Variants in ZCCHC4 observed in about 807,000 individuals in gnomAD.
ZCCHC4 encodes the protein rRNA N(6)-adenosine-methyltransferase ZCCHC4.
ZCCHC4 carries 54 observed loss-of-function variants against 67.7 expected under a neutral mutation model. That is an observed-to-expected ratio of 0.80 (90% confidence interval 0.64 to 1.00). The LOEUF (loss-of-function observed/expected upper bound fraction) is 1.00, where lower values mean the gene tolerates loss of function less well. Ranked by LOEUF, ZCCHC4 falls within the 50% of genes least tolerant of loss-of-function variation. The pLI is 0.00. For missense variants in ZCCHC4, 609 were observed against 617.0 expected (o/e 0.99, Z 0.14); for synonymous variants, 198 against 213.5 (o/e 0.93, Z 0.63).
intron 5 of ZCCHC4, 92 bp downstream of exon 5, chr4:25,334,080 C>G: frequency 1.4e-6 from 1 of 735,494 alleles, no homozygotes; most frequent in Non-Finnish European, 2.0e-6. Flanking sequence ...TGTTACAACT[C>G]TTTAGTTTAC....
In ZCCHC4 at chr4:25,351,573, T is replaced by C. The variant is rs1267892206; in HGVS notation, c.911-16T>C. 3.2e-6 allele frequency: 5 copies of C among 1,551,254 alleles called. No homozygotes were observed. Among genetic ancestry groups the C allele is most frequent in the South Asian group, 1.2e-5 (1 of 83,480 alleles). On this transcript the variant is annotated splice_polypyrimidine_tract_variant and intron_variant, in intron 7 of 12. Transcript: ENST00000302874. ...CTTTAATTTACTATTATTTTTTCCTTTTTGTGATCCATTAGATGACAGTCA... is the reference window on the plus strand; with the variant it reads ...CTTTAATTTACTATTATTTTTTCCTCTTTGTGATCCATTAGATGACAGTCA...
intron 6 of ZCCHC4, among the ~76,000 whole-genome samples, chr4:25,349,120 G>C (rs1173046235): frequency 6.6e-6 from 1 of 152,190 alleles, no homozygotes; most frequent in Non-Finnish European, 1.5e-5. Flanking sequence ...TGTGTGCCCA[G>C]TGCTTAGCAC....
At chr4:25,325,663 A>T (rs953474181) in intron 3 of ZCCHC4, among the ~76,000 whole-genome samples, 1 of 152,164 alleles carries the variant, frequency 6.6e-6, no homozygotes, top group Non-Finnish European at 1.5e-5. Context: ...TGAAGAAAAA[A>T]ATGTTAAGTC....
chr4:25,345,458 A>C lies in ZCCHC4; in HGVS notation c.687-90A>C, dbSNP rs1719962769. The C allele has an allele frequency of 4.3e-5, 34 of 787,888 alleles. 1 individual carries two copies. The South Asian group carries it at 5.7e-4, about 13-fold the overall frequency. The allele number at this position is 787,888 out of a possible 1,614,324, so 48.8% of individuals were successfully genotyped here. A position where few individuals can be genotyped will look rare whatever the true frequency, so the allele number is the denominator to read the frequency against. ...AAAAAACTAAAAAATGAAATTTTTT[A>C]AAGGTGTGATTTTATTGTTTTAAAA... On this transcript the variant is annotated intron_variant, in intron 5 of 12. Coordinates refer to ENST00000302874, the MANE Select transcript of ZCCHC4 (RefSeq NM_024936.3).
chr4:25,349,438 G>A (rs924481562), intron 6 of ZCCHC4, 54 bp from the exon 7 acceptor site: 45 of 1,563,302 alleles, frequency 2.9e-5, no homozygotes, highest in Non-Finnish European at 3.9e-5. Context: ...CTCCAAATAG[G>A]ATGAAGTGCC....
intron 3 of ZCCHC4, among the ~76,000 whole-genome samples, chr4:25,326,899 G>C (rs559384414): frequency 6.6e-6 from 1 of 152,224 alleles, no homozygotes; most frequent in South Asian, 2.1e-4. Context: ...GTGCACTGCA[G>C]TTACACATCT....
At chr4:25,365,514 C>G in intron 12 of ZCCHC4, 1 of 1,024,246 alleles carries the variant, frequency 9.8e-7, no homozygotes. Flanking sequence ...CTTTGAGGGA[C>G]AGATCAGATA....
intron 8 of ZCCHC4, among the ~76,000 whole-genome samples, chr4:25,356,117 A>C (rs962538446): frequency 5.9e-5 from 9 of 152,216 alleles, no homozygotes; most frequent in Non-Finnish European, 8.8e-5. Flanking sequence ...TAAAAATTGG[A>C]AATTGCAGAG....
At chr4:25,338,447 T>G (rs1214525484) in intron 5 of ZCCHC4, among the ~76,000 whole-genome samples, 1 of 152,186 alleles carries the variant, frequency 6.6e-6, no homozygotes. Flanking sequence ...ACAGTAGTTT[T>G]CAGTATATTC....
intron 5 of ZCCHC4, among the ~76,000 whole-genome samples, chr4:25,335,512 G>A (rs991722294): frequency 2.0e-5 from 3 of 152,196 alleles, no homozygotes; most frequent in Admixed American, 1.3e-4. Context: ...TGTAATCCCA[G>A]CACTTTCGGA....
chr4:25,333,511 A>G (rs1719295298), intron 4 of ZCCHC4, 53 bp downstream of exon 4: 1 of 1,578,088 alleles, frequency 6.3e-7, no homozygotes, highest in Non-Finnish European at 8.7e-7. Flanking sequence ...TTGAAACTGT[A>G]TGAAGATTTT....
chr4:25,350,241 G>A lies in ZCCHC4; in HGVS notation c.910+599G>A, dbSNP rs552601565. On this transcript the variant is annotated intron_variant, in intron 7 of 12. Coordinates refer to ENST00000302874, the MANE Select transcript of ZCCHC4 (RefSeq NM_024936.3). ...TGACTTAGCCGTGTACGGTCTTCAGGCAGGTACTGCTTCTTTTTTTTTTTT... is the reference window on the plus strand; with the variant it reads ...TGACTTAGCCGTGTACGGTCTTCAGACAGGTACTGCTTCTTTTTTTTTTTT... Among the ~76,000 whole-genome samples, 8 of 150,650 alleles carry A rather than the reference G, an allele frequency of 5.3e-5. No homozygotes were observed. The South Asian group carries it at 1.5e-3, about 28-fold the overall frequency.
intron 3 of ZCCHC4, 44 bp from the exon 4 acceptor site, chr4:25,333,139 A>G: frequency 1.3e-6 from 2 of 1,576,768 alleles, no homozygotes; most frequent in East Asian, 4.5e-5. Flanking sequence ...GTTTACAACA[A>G]TAAACTTAAA....
At chr4:25,348,638 G>A (rs536296473) in intron 6 of ZCCHC4, among the ~76,000 whole-genome samples, 2 of 152,258 alleles carry the variant, frequency 1.3e-5, no homozygotes, top group South Asian at 4.2e-4. Context: ...AAACTATATA[G>A]GAGGATGTGC....
rs1022050724 is a variant in ZCCHC4, at chr4:25,359,747, G to T, written c.1012-2112G>T. On this transcript the variant is annotated intron_variant, in intron 8 of 12. Transcript: ENST00000302874. The surrounding 1 kb of genome is among the most constrained non-coding windows in gnomAD (Gnocchi z 4.9). ...ACAATTCCAGAAAATACCCAAGCAG[G>T]AGAAGAATGTTTCTGCGCGACCTGG... 6.6e-6 allele frequency among the ~76,000 whole-genome samples: 1 copy of T among 152,224 alleles called. No individual in the cohort carries two copies. Among genetic ancestry groups the T allele is most frequent in the Admixed American group, 6.5e-5 (1 of 15,284 alleles).
At chr4:25,327,605 C>T (rs1718959578) in intron 3 of ZCCHC4, among the ~76,000 whole-genome samples, 1 of 151,994 alleles carries the variant, frequency 6.6e-6, no homozygotes. Context: ...TCAGCCTCCC[C>T]AGTAGCTGGG....
intron 8 of ZCCHC4, chr4:25,352,246 T>C: frequency 1.0e-6 from 1 of 985,344 alleles, no homozygotes; most frequent in Non-Finnish European, 1.2e-6. Flanking sequence ...GACTATGGAA[T>C]TTTCCCCCTG....
intron 5 of ZCCHC4, among the ~76,000 whole-genome samples, chr4:25,342,856 G>A (rs1168090137): frequency 2.0e-5 from 3 of 152,074 alleles, no homozygotes; most frequent in Non-Finnish European, 4.4e-5. Flanking sequence ...TGAAATCTTG[G>A]CTTTTCTTTC....
At chr4:25,352,346 T>G in intron 8 of ZCCHC4, 1 of 985,490 alleles carries the variant, frequency 1.0e-6, no homozygotes, top group Non-Finnish European at 1.2e-6. Context: ...CTGTATTTTC[T>G]TCCCTTGTGT....
Sources: allele counts gnomAD v4.1 joint callset (sites outside exome capture counted in the v4.1 genomes callset), GRCh38; gene constraint gnomAD v4.1.1; non-coding constraint Gnocchi (gnomAD v3.1); transcripts MANE v1.5; gene names NCBI Gene and HGNC (gene_info 2026-07-23, HGNC 2026-07-21).